CHRM3: variants seen among roughly 807,000 people sequenced by gnomAD.
CHRM3 encodes cholinergic receptor muscarinic 3.
Under a neutral mutation model 41.8 loss-of-function variants are expected in CHRM3, and 11 were observed. That is an observed-to-expected ratio of 0.26 (90% CI 0.17 to 0.44). The LOEUF is 0.44. Ranked by LOEUF, CHRM3 falls within the 20% of genes least tolerant of loss-of-function variation. The pLI is 1.00. For missense variants in CHRM3, 571 were observed against 745.4 expected, an observed-to-expected ratio of 0.77 and a Z score of 2.72; for synonymous variants, 297 against 301.4, an observed-to-expected ratio of 0.99 and a Z score of 0.15.
intron 3 of CHRM3, among the ~76,000 whole-genome samples, chr1:239,622,366 G>C (rs139740035): frequency 7.8e-4 from 118 of 152,256 alleles, no homozygotes; most frequent in African/African-American, 2.7e-3. Context: ...AGCTATAGCT[G>C]CCATAGATTC....
intron 5 of CHRM3, among the ~76,000 whole-genome samples, chr1:239,785,079 C>T (rs1668784994): frequency 6.6e-6 from 1 of 152,102 alleles, no homozygotes; most frequent in African/African-American, 2.4e-5. Context: ...GCAATATTTC[C>T]ACTATCCATG....
At chr1:239,871,599 G>A (rs777657047) in intron 6 of CHRM3, among the ~76,000 whole-genome samples, 3 of 152,198 alleles carry the variant, frequency 2.0e-5, no homozygotes, top group African/African-American at 4.8e-5. Context: ...CATAGTAAAC[G>A]TCAGTCATAA....
At chr1:239,893,035 C>T (rs1678679446) in intron 6 of CHRM3, among the ~76,000 whole-genome samples, 1 of 152,128 alleles carries the variant, frequency 6.6e-6, no homozygotes, top group Non-Finnish European at 1.5e-5. Flanking sequence ...ACTCTGGCTT[C>T]CTAGGAGCTG....
intron 2 of CHRM3, among the ~76,000 whole-genome samples, chr1:239,509,522 A>G (rs1365698297): frequency 1.3e-5 from 2 of 152,200 alleles, no homozygotes; most frequent in South Asian, 2.1e-4. Context: ...TGATAACCCC[A>G]GCCAAGAAGC....
At chr1:239,611,698 C>T (rs934245530) in intron 3 of CHRM3, among the ~76,000 whole-genome samples, 14 of 152,086 alleles carry the variant, frequency 9.2e-5, no homozygotes, top group Admixed American at 5.9e-4. Context: ...GGATTACAGG[C>T]ATGAGCCACC....
intron 6 of CHRM3, among the ~76,000 whole-genome samples, chr1:239,836,982 AAAAAAAAGAT>A (rs1673376594): frequency 6.6e-6 from 1 of 152,054 alleles, no homozygotes; most frequent in Non-Finnish European, 1.5e-5. Context: ...TTAAAAAAAA[AAAAAAAAGAT>A]GGGTGAAGGG....
chr1:239,757,926 C>T (rs1666377486), intron 5 of CHRM3, among the ~76,000 whole-genome samples: 1 of 152,144 alleles, frequency 6.6e-6, no homozygotes, highest in African/African-American at 2.4e-5. Flanking sequence ...GTCACTCTTC[C>T]TGAGTCACTC....
chr1:239,531,639 ATTTTTTTTTTTTTTTTTTTTTT>A (rs58433814), intron 2 of CHRM3, among the ~76,000 whole-genome samples: 9 of 55,900 alleles, frequency 1.6e-4, no homozygotes, highest in Non-Finnish European at 1.8e-4. Context: ...TCTAGAATGG[ATTTTTTTTTTTTTTTTTTTTTT>A]TTTTTTTTTT....
intron 1 of CHRM3, among the ~76,000 whole-genome samples, chr1:239,412,430 G>A (rs1019214478): frequency 1.8e-4 from 25 of 140,966 alleles, no homozygotes; most frequent in East Asian, 4.3e-4. Flanking sequence ...CAGGCCTGCC[G>A]TATAGCGATA....
intron 5 of CHRM3, among the ~76,000 whole-genome samples, chr1:239,812,561 T>C (rs1269080410): frequency 1.3e-5 from 2 of 152,216 alleles, no homozygotes; most frequent in Non-Finnish European, 2.9e-5. Flanking sequence ...TTCAAAGATT[T>C]TATTTAAAGT....
At chr1:239,569,805 A>G (rs539726745) in intron 3 of CHRM3, among the ~76,000 whole-genome samples, 107 of 152,290 alleles carry the variant, frequency 7.0e-4, no homozygotes, top group African/African-American at 2.4e-3. Flanking sequence ...GAGTCTGGTC[A>G]TAAATGTCTG....
intron 5 of CHRM3, among the ~76,000 whole-genome samples, chr1:239,746,822 A>G (rs532368509): frequency 3.6e-4 from 54 of 151,558 alleles, no homozygotes; most frequent in Non-Finnish European, 6.3e-4. Context: ...CAGTGGCATG[A>G]TCTTGGCTCA....
intron 4 of CHRM3, among the ~76,000 whole-genome samples, chr1:239,656,775 A>G (rs973037954): frequency 1.3e-5 from 2 of 152,188 alleles, no homozygotes; most frequent in Admixed American, 6.5e-5. Context: ...ATATTATTAT[A>G]AAACATGATT....
chr1:239,466,820 A>C (rs1665764484), intron 1 of CHRM3, among the ~76,000 whole-genome samples: 1 of 152,134 alleles, frequency 6.6e-6, no homozygotes, highest in Non-Finnish European at 1.5e-5. Context: ...TGGGTACATA[A>C]AAATCCTATA....
At position 239,908,379 on chromosome 1, in the gene CHRM3, C is replaced by T. The variant is rs201639396; in HGVS notation, c.928C>T (p.Arg310Cys). 3.3e-5 allele frequency: 53 copies of T among 1,614,030 alleles called. No individual in the cohort carries two copies. Among genetic ancestry groups the T allele is most frequent in the Admixed American group, 2.7e-4 (16 of 60,010 alleles). The stretch of plus-strand genomic sequence containing the variant: ...ACGCTCCAACAGGAGGAAGTATGGC[C>T]GCTGCCACTTCTGGTTCACAACCAA... Reference protein sequence around the residue: ...MKRSNRRKYGRCHFWFTTKSW... With the variant: ...MKRSNRRKYGCCHFWFTTKSW... The change falls in exon 7 of 7, where the codon CGC becomes TGC. Residue 310 changes from arginine (R) to cysteine (C), a missense_variant. Physicochemically the swap from Arg to Cys is radical, Grantham distance 180. This residue lies in a region of CHRM3 where 239 missense variants were observed against 239.6 expected (regional missense o/e 1.00). Transcript: ENST00000676153. The surrounding 1 kb of genome is among the most constrained non-coding windows in gnomAD (Gnocchi z 7.2).
chr1:239,414,867 T>G (rs1295712984), intron 1 of CHRM3, among the ~76,000 whole-genome samples: 1 of 152,236 alleles, frequency 6.6e-6, no homozygotes, highest in Admixed American at 6.5e-5. Flanking sequence ...CAAAAATTTT[T>G]GTTTGCTTAC....
chr1:239,782,743 C>T (rs505359), intron 5 of CHRM3, among the ~76,000 whole-genome samples: 129,893 of 151,742 alleles, frequency 0.86, 55,833 homozygotes, highest in African/African-American at 0.9. Context: ...AATATATACA[C>T]TCAATGCGAT....
At chr1:239,554,738 T>TA (rs1216333642) in intron 3 of CHRM3, among the ~76,000 whole-genome samples, 1 of 149,072 alleles carries the variant, frequency 6.7e-6, no homozygotes, top group Non-Finnish European at 1.5e-5. Flanking sequence ...TCTTTTTTTT[T>TA]TTTTTTTTTT....
rs1415636664 is a variant in CHRM3 at position 239,446,260 on chromosome 1, A to T, written c.-520-46449A>T. Reference sequence around the variant, plus strand: ...AGTGTGCACTTTCTAAACCTTCAAGACAGAAGAAATAACAAAGACAAACAG... The same window carrying T: ...AGTGTGCACTTTCTAAACCTTCAAGTCAGAAGAAATAACAAAGACAAACAG... On this transcript the variant is annotated intron_variant, in intron 1 of 6. Transcript: ENST00000676153. Among the ~76,000 whole-genome samples, 5 of 152,282 alleles carry T rather than the reference A, an allele frequency of 3.3e-5. No individual in the cohort carries two copies. The East Asian group carries it at 9.7e-4, about 29-fold the overall frequency.
Sources: allele counts gnomAD v4.1 joint callset (sites outside exome capture counted in the v4.1 genomes callset), GRCh38; gene constraint gnomAD v4.1.1; regional missense constraint gnomAD v4.1.1; non-coding constraint Gnocchi (gnomAD v3.1); transcripts MANE v1.5; gene names NCBI Gene and HGNC (gene_info 2026-07-23, HGNC 2026-07-21).